NEK5: variants seen among roughly 807,000 people sequenced by gnomAD.
NEK5 encodes serine/threonine-protein kinase Nek5.
NEK5 carries 88 observed loss-of-function variants against 109.2 expected under a neutral mutation model. The ratio of observed to expected loss-of-function variants is 0.81; its 90% CI spans 0.68 to 0.96. The LOEUF is 0.96. NEK5 is among the 40% of genes least tolerant of loss of function. The pLI is 0.00. For synonymous variants in NEK5, 283 were observed against 299.9 expected (o/e 0.94, Z 0.58); for missense variants, 834 against 920.7 (o/e 0.91, Z 1.22).
Position 52,079,147 on chromosome 13 carries a change from A to C in NEK5, c.1573-3004T>G, listed in dbSNP as rs1714529921. On this transcript the variant is annotated intron_variant, in intron 17 of 23. Transcript: ENST00000684899. ...AAAAAGCTGTGCTAGAAACTTCACC[A>C]GGAGGTCTGATAGATGTGTTCTGCA... Among the ~76,000 whole-genome samples the C allele has an allele frequency of 2.6e-5, 4 of 152,242 alleles. No homozygotes were observed. In the South Asian group the frequency reaches 8.3e-4, roughly 31 times the overall value.
At chr13:52,112,430 G>A (rs1325785597) in intron 4 of NEK5, 65 bp from the exon 5 acceptor site, 18 of 1,063,972 alleles carry the variant, frequency 1.7e-5, no homozygotes, top group Middle Eastern at 2.0e-4. Flanking sequence ...TGTTCTGGCT[G>A]TGGAATCAAG....
At chr13:52,068,027 A>C (rs1954718843) in intron 20 of NEK5, among the ~76,000 whole-genome samples, 1 of 151,994 alleles carries the variant, frequency 6.6e-6, no homozygotes, top group Non-Finnish European at 1.5e-5. Context: ...TGCCTTTTCC[A>C]AAAACAACCC....
intron 4 of NEK5, among the ~76,000 whole-genome samples, chr13:52,117,022 G>A (rs1053188671): frequency 2.0e-5 from 3 of 151,792 alleles, no homozygotes; most frequent in Non-Finnish European, 4.4e-5. Flanking sequence ...AGGTTCAAGC[G>A]ATTCTCCTGC....
intron 21 of NEK5, among the ~76,000 whole-genome samples, chr13:52,063,606 G>A (rs556666800): frequency 2.6e-5 from 4 of 151,124 alleles, no homozygotes; most frequent in African/African-American, 7.3e-5. Flanking sequence ...CTGCCCAGCC[G>A]CCATCCCATC....
Position 52,117,210 on chromosome 13 carries a change from C to A in NEK5, c.214+2109G>T, listed in dbSNP as rs540362684. On this transcript the variant is annotated intron_variant, in intron 4 of 23. Coordinates refer to ENST00000684899, the MANE Select transcript of NEK5 (RefSeq NM_001365552.1). The stretch of plus-strand genomic sequence containing the variant: ...CTGGGATTACAGGCATGAGCCACTG[C>A]GCCCGGCCAAAACATTCTATTTTCT... Among the ~76,000 whole-genome samples the A allele has an allele frequency of 1.2e-4, 18 of 152,322 alleles. No homozygotes were observed. The South Asian group carries it at 2.5e-3, about 21-fold the overall frequency.
intron 21 of NEK5, among the ~76,000 whole-genome samples, chr13:52,063,885 C>A (rs1328232538): frequency 6.6e-6 from 1 of 152,078 alleles, no homozygotes; most frequent in Admixed American, 6.5e-5. Flanking sequence ...GGCAGCCTCC[C>A]CATCCGGGAA....
At chr13:52,110,223 A>C (rs1190856629) in intron 7 of NEK5, 117 bp downstream of exon 7, 3 of 673,718 alleles carry the variant, frequency 4.5e-6, no homozygotes, top group Admixed American at 2.6e-5. Context: ...ATTTACATAA[A>C]GCTACCTAAA....
At chr13:52,040,077 G>A (rs1247540906) in intron 23 of NEK5, among the ~76,000 whole-genome samples, 2 of 134,688 alleles carry the variant, frequency 1.5e-5, no homozygotes, top group African/African-American at 5.2e-5. Flanking sequence ...CAAATCTACT[G>A]GCACTTTTTT....
intron 7 of NEK5, among the ~76,000 whole-genome samples, chr13:52,108,760 GT>G (rs1335281592): frequency 1.3e-5 from 2 of 152,102 alleles, no homozygotes; most frequent in Non-Finnish European, 2.9e-5. Context: ...GGAGAAAAAA[GT>G]TACCCAGAAT....
At chr13:52,065,265 C>G in intron 21 of NEK5, 1 of 634,896 alleles carries the variant, frequency 1.6e-6, no homozygotes, top group Non-Finnish European at 2.8e-6. Flanking sequence ...GATTTTTCCT[C>G]CTTTATATGT....
At chr13:52,048,308 A>T (rs1321870260) in intron 23 of NEK5, among the ~76,000 whole-genome samples, 3 of 152,164 alleles carry the variant, frequency 2.0e-5, no homozygotes, top group Non-Finnish European at 2.9e-5. Flanking sequence ...ACAGTGGCTC[A>T]CGCCTATAAT....
chr13:52,118,149 A>C (rs1221961156), intron 4 of NEK5, among the ~76,000 whole-genome samples: 1 of 152,258 alleles, frequency 6.6e-6, no homozygotes, highest in African/African-American at 2.4e-5. Flanking sequence ...TGCTCTGCAC[A>C]GTTTACATAC....
At chr13:52,041,456 A>T (rs1364766894) in intron 23 of NEK5, among the ~76,000 whole-genome samples, 1 of 152,132 alleles carries the variant, frequency 6.6e-6, no homozygotes, top group Non-Finnish European at 1.5e-5. Flanking sequence ...GTATTCAAGG[A>T]TTCATCCACG....
rs1237877757 is a variant in NEK5 at position 52,035,227 on chromosome 13, C to T, written c.*1721G>A. ...GTAACTCTACACCAAGTTGAAAGAACAGTCTGTCAAACATCAGGAAATAGT... is the reference window on the plus strand; with the variant it reads ...GTAACTCTACACCAAGTTGAAAGAATAGTCTGTCAAACATCAGGAAATAGT... On this transcript the variant is annotated 3_prime_UTR_variant, in exon 24 of 24. Coordinates refer to ENST00000684899, the MANE Select transcript of NEK5 (RefSeq NM_001365552.1). 6.6e-6 allele frequency: 1 copy of T among 152,080 alleles called. No individual in the cohort carries two copies. Among genetic ancestry groups the T allele is most frequent in the Non-Finnish European group, 1.5e-5 (1 of 68,030 alleles). 9.4% of individuals were successfully genotyped at this position (152,080 alleles called of 1,614,324 possible). A position where few individuals can be genotyped will look rare whatever the true frequency, so the allele number is the denominator to read the frequency against.
chr13:52,118,434 C>T (rs930055428), intron 4 of NEK5, among the ~76,000 whole-genome samples: 1 of 152,208 alleles, frequency 6.6e-6, no homozygotes, highest in South Asian at 2.1e-4. Context: ...TTTTCATCTG[C>T]TTTGTTCACT....
Position 52,102,277 on chromosome 13 carries a change from A to G in NEK5, c.625T>C (p.Leu209=). The G allele has an allele frequency of 6.2e-7, 1 of 1,613,984 alleles. No homozygotes were observed. Among genetic ancestry groups the G allele is most frequent in the Non-Finnish European group, 8.5e-7 (1 of 1,179,810 alleles). Residue 209 remains leucine (L), a synonymous_variant, in exon 10 of 24, where the codon TTA becomes CTA. Transcript: ENST00000684899. ...CAAATCTTCAGAACCAGCTGCTGTAAGTTGTTACCCTCAAACTGAAAGGAC... is the reference window on the plus strand; with the variant it reads ...CAAATCTTCAGAACCAGCTGCTGTAGGTTGTTACCCTCAAACTGAAAGGAC... ...TLKHPFEGNN[L]QQLVLKICQA... is the part of the protein sequence containing the mutation.
intron 4 of NEK5, 22 bp downstream of exon 4, chr13:52,119,297 A>G: frequency 7.4e-7 from 1 of 1,355,150 alleles, no homozygotes. Context: ...AAAAATACTT[A>G]ACGAATATTA....
rs1394859480 is a variant in NEK5 at position 52,104,383 on chromosome 13, C to T, written c.609+115G>A. On this transcript the variant is annotated intron_variant, in intron 9 of 23. Transcript: ENST00000684899. ...TCTATCATTATTTTAAGTAGCTTAT[C>T]CATATAATTTTTAACAATCTAATAA... is the stretch of plus-strand genomic sequence containing the variant. 4 of 780,242 alleles carry T rather than the reference C, an allele frequency of 5.1e-6. No homozygotes were observed. In the African/African-American group the frequency reaches 6.9e-5, roughly 13 times the overall value. The allele number at this position is 780,242 out of a possible 1,614,324, so 48.3% of individuals were successfully genotyped here.
At position 52,034,364 on chromosome 13, in the gene NEK5, A is replaced by ATACT. The variant is rs1954338168; in HGVS notation, c.*2580_*2583dup. 1 of 152,250 alleles carries ATACT rather than the reference A, an allele frequency of 6.6e-6. No individual in the cohort carries two copies. The highest frequency in any genetic ancestry group is 1.5e-5 in the Non-Finnish European group (1 of 68,056). The allele number at this position is 152,250 out of a possible 1,614,324, so 9.4% of individuals were successfully genotyped here. A position where few individuals can be genotyped will look rare whatever the true frequency, so the allele number is the denominator to read the frequency against. On this transcript the variant is annotated 3_prime_UTR_variant, in exon 24 of 24. Coordinates refer to ENST00000684899, the MANE Select transcript of NEK5 (RefSeq NM_001365552.1). ...TCAGCTGAAAGTGTTGCAGATATGT[A>ATACT]TACTTATCACAGTGAATACTTCCAG...
Sources: allele counts gnomAD v4.1 joint callset (sites outside exome capture counted in the v4.1 genomes callset), GRCh38; gene constraint gnomAD v4.1.1; transcripts MANE v1.5; gene names NCBI Gene and HGNC (gene_info 2026-07-23, HGNC 2026-07-21).